Variants in FAM135B observed in about 807,000 individuals in gnomAD.
The protein encoded by FAM135B is protein FAM135B.
A neutral mutation model predicts 127.7 loss-of-function variants in FAM135B; 43 were observed. That is an observed-to-expected ratio of 0.34 (90% CI 0.26 to 0.43). FAM135B has a LOEUF of 0.43. Among genes scored for constraint, FAM135B ranks in the 20% least tolerant of loss-of-function variants. FAM135B has a pLI of 1.00. For missense variants in FAM135B, 1,558 were observed against 1,725.6 expected (o/e 0.90, Z 1.72); for synonymous variants, 670 against 665.1 (o/e 1.01, Z -0.11).
intron 1 of FAM135B, among the ~76,000 whole-genome samples, chr8:138,426,219 A>G (rs1251674079): frequency 6.6e-6 from 1 of 151,032 alleles, no homozygotes; most frequent in East Asian, 2.0e-4. Context: ...ACCAAGGAAG[A>G]CTACATCAAA....
At chr8:138,471,009 T>G (rs1309939268) in intron 1 of FAM135B, among the ~76,000 whole-genome samples, 1 of 152,212 alleles carries the variant, frequency 6.6e-6, no homozygotes, top group African/African-American at 2.4e-5. Context: ...GAAAGCACTG[T>G]GTGGGGCTGA....
chr8:138,192,132 A>C (rs780551408), intron 9 of FAM135B, among the ~76,000 whole-genome samples: 2 of 152,244 alleles, frequency 1.3e-5, no homozygotes, highest in Non-Finnish European at 2.9e-5. Flanking sequence ...AAATCCACAC[A>C]ATGTAGCCAG....
At chr8:138,267,833 C>G in intron 3 of FAM135B, among the ~76,000 whole-genome samples, 1 of 152,188 alleles carries the variant, frequency 6.6e-6, no homozygotes, top group East Asian at 1.9e-4. Context: ...AATTACTGGC[C>G]TAATGCAGTT....
chr8:138,153,118 T>C lies in FAM135B; in HGVS notation c.1357A>G (p.Asn453Asp), dbSNP rs1461895357. The stretch of plus-strand genomic sequence containing the variant: ...ACAAGGTCTTCCCTAAAAGATAAAT[T>C]GCTATTTACCATACAGTTATCTTCC... ...DKEDNCMVNSNLSFREDLVLS... is the reference protein window; with the variant it reads ...DKEDNCMVNSDLSFREDLVLS... Residue 453 changes from asparagine (N) to aspartate (D), a missense_variant, in exon 13 of 20, where the codon AAT becomes GAT. This residue lies in a region of FAM135B where 923 missense variants were observed against 865.3 expected (regional missense o/e 1.07). Coordinates refer to ENST00000395297, the MANE Select transcript of FAM135B (RefSeq NM_015912.4). The C allele has an allele frequency of 6.2e-7, 1 of 1,613,900 alleles. No individual in the cohort carries two copies.
intron 9 of FAM135B, among the ~76,000 whole-genome samples, chr8:138,184,830 C>T (rs775413379): frequency 8.5e-5 from 13 of 152,184 alleles, no homozygotes; most frequent in Non-Finnish European, 1.3e-4. Flanking sequence ...CCATCATCTC[C>T]AGGGAACTAG....
intron 1 of FAM135B, among the ~76,000 whole-genome samples, chr8:138,400,774 C>A (rs1833115588): frequency 6.6e-6 from 1 of 152,152 alleles, no homozygotes; most frequent in South Asian, 2.1e-4. Flanking sequence ...AGTGTCCCAT[C>A]CCCCTAATTT....
At chr8:138,304,593 G>T (rs987640270) in intron 3 of FAM135B, among the ~76,000 whole-genome samples, 1 of 152,192 alleles carries the variant, frequency 6.6e-6, no homozygotes, top group Non-Finnish European at 1.5e-5. Context: ...GAAAAAGGAA[G>T]GGGTAGGCAT....
chr8:138,334,112 G>A (rs1016046706), intron 2 of FAM135B, among the ~76,000 whole-genome samples: 25 of 152,106 alleles, frequency 1.6e-4, no homozygotes, highest in Admixed American at 6.5e-5. Context: ...TAGTAGAGAC[G>A]GGGTTTTGCC....
At chr8:138,472,123 A>C (rs765044013) in intron 1 of FAM135B, among the ~76,000 whole-genome samples, 5 of 152,166 alleles carry the variant, frequency 3.3e-5, no homozygotes, top group Non-Finnish European at 5.9e-5. Flanking sequence ...GGTGTGCAGG[A>C]CCGAGAGAGA....
intron 2 of FAM135B, among the ~76,000 whole-genome samples, chr8:138,349,066 C>T (rs1942254746): frequency 6.6e-6 from 1 of 152,226 alleles, no homozygotes; most frequent in Non-Finnish European, 1.5e-5. Context: ...CCTAGGGTGA[C>T]CAACTCATTG....
At chr8:138,404,099 G>A (rs1833312235) in intron 1 of FAM135B, among the ~76,000 whole-genome samples, 1 of 152,036 alleles carries the variant, frequency 6.6e-6, no homozygotes, top group Admixed American at 6.6e-5. Flanking sequence ...TGATGTTGCA[G>A]GTTCAGTGCC....
rs376027943 is a variant in FAM135B, at chr8:138,438,805, TAATAATATGTAGC to T, written c.-20+57853_-20+57865del. 207 of 152,260 alleles carry T rather than the reference TAATAATATGTAGC, an allele frequency of 1.4e-3. 2 individuals are homozygous for T. The highest frequency in any genetic ancestry group is 4.8e-3 in the African/African-American group (200 of 41,566). 9.4% of individuals were successfully genotyped at this position (152,260 alleles called of 1,614,324 possible). ...CCAACCAGATACTGGACCAGCCATT[TAATAATATGTAGC>T]AAGGACTAAAACCAGGTTTCCTGGG... On this transcript the variant is annotated intron_variant, in intron 1 of 19. Transcript: ENST00000395297.
chr8:138,453,785 G>A (rs1171000675), intron 1 of FAM135B, among the ~76,000 whole-genome samples: 1 of 152,112 alleles, frequency 6.6e-6, no homozygotes, highest in African/African-American at 2.4e-5. Context: ...TGTTATTTCT[G>A]TGATATTTTC....
chr8:138,347,137 A>ATGAG (rs1829475390), intron 2 of FAM135B, among the ~76,000 whole-genome samples: 1 of 152,170 alleles, frequency 6.6e-6, no homozygotes, highest in African/African-American at 2.4e-5. Flanking sequence ...GAATGAATGA[A>ATGAG]GGCAGGTGTG....
chr8:138,470,048 G>A (rs892016429), intron 1 of FAM135B, among the ~76,000 whole-genome samples: 1 of 152,148 alleles, frequency 6.6e-6, no homozygotes, highest in East Asian at 1.9e-4. Context: ...GCAGGCTAGT[G>A]AATGAGGTAA....
In FAM135B at chr8:138,195,273, C is replaced by A. The variant is rs762412587; in HGVS notation, c.858G>T (p.Leu286=). 2 of 1,613,836 alleles carry A rather than the reference C, an allele frequency of 1.2e-6. No individual in the cohort carries two copies. The highest frequency in any genetic ancestry group is 3.3e-5 in the Admixed American group (2 of 60,018). ...CTCCAATTACCTGTAGCTCTGAGCACAGCTGAGAAAGTGTTTCTTCAACAG... is the reference window on the plus strand; with the variant it reads ...CTCCAATTACCTGTAGCTCTGAGCAAAGCTGAGAAAGTGTTTCTTCAACAG... ...ALAVEETLSQ[L]CSELQMLNNP... The change falls in exon 9 of 20, where the codon CTG becomes CTT. Residue 286 remains leucine (L), a synonymous_variant. Coordinates refer to ENST00000395297, the MANE Select transcript of FAM135B (RefSeq NM_015912.4).
intron 2 of FAM135B, among the ~76,000 whole-genome samples, chr8:138,343,553 T>C (rs550563737): frequency 4.0e-4 from 61 of 152,254 alleles, no homozygotes; most frequent in African/African-American, 1.5e-3. Flanking sequence ...GCCAACACGG[T>C]AAAATGAATG....
intron 3 of FAM135B, among the ~76,000 whole-genome samples, chr8:138,293,794 G>A (rs1423696528): frequency 1.3e-5 from 2 of 152,160 alleles, no homozygotes; most frequent in Non-Finnish European, 2.9e-5. Context: ...TACACTGCTG[G>A]TGGGAATGTA....
In FAM135B at chr8:138,276,442, T is replaced by C. The variant is rs137941359; in HGVS notation, c.158-10600A>G. Among the ~76,000 whole-genome samples the C allele has an allele frequency of 3.9e-3, 587 of 152,156 alleles. 4 individuals are homozygous for C. Among genetic ancestry groups the C allele is most frequent in the African/African-American group, 0.013 (547 of 41,496 alleles). On this transcript the variant is annotated intron_variant, in intron 3 of 19. Coordinates refer to ENST00000395297, the MANE Select transcript of FAM135B (RefSeq NM_015912.4). ...AGGGCGGAGTTGCGACTACAAAAAA[T>C]AGCAGGGAGCCCCAGAGTCACTGCT...
Sources: gnomAD v4.1 joint callset for allele counts (sites outside exome capture counted in the v4.1 genomes callset) on GRCh38, gnomAD v4.1.1 for gene constraint, gnomAD v4.1.1 regional missense constraint, MANE v1.5 for transcripts, NCBI Gene and HGNC (gene_info 2026-07-23, HGNC 2026-07-21) for gene names.